The following CFDP1 variants were observed in gnomAD, a reference collection of about 807,000 sequenced individuals.
CFDP1 encodes chromatin remodeling protein CFDP1, also known as heterochromatin-stabilizing protein CFDP1.
CFDP1 carries 31 observed loss-of-function variants against 40.1 expected under a neutral mutation model. That is an observed-to-expected ratio of 0.77 (90% CI 0.58 to 1.04). The LOEUF is 1.04. CFDP1 is among the 50% of genes least tolerant of loss of function. The pLI, the probability that CFDP1 is intolerant of heterozygous loss-of-function variation, is 0.00. For missense variants in CFDP1, 423 were observed against 343.4 expected (o/e 1.23, Z -1.83); for synonymous variants, 167 against 120.0 (o/e 1.39, Z -2.56).
intron 1 of CFDP1, among the ~76,000 whole-genome samples, chr16:75,424,296 A>G (rs2079309881): frequency 6.6e-6 from 1 of 152,206 alleles, no homozygotes; most frequent in Non-Finnish European, 1.5e-5. Flanking sequence ...AGTAAAATGC[A>G]GAACACAATT....
intron 4 of CFDP1, among the ~76,000 whole-genome samples, chr16:75,397,907 G>A (rs1182211388): frequency 6.6e-6 from 1 of 152,256 alleles, no homozygotes; most frequent in Non-Finnish European, 1.5e-5. Flanking sequence ...AAAGGCCAAT[G>A]AAGTATTAGC....
intron 6 of CFDP1, among the ~76,000 whole-genome samples, chr16:75,301,536 C>CTTTTTTTTTTTTTTTTTTTTTTTTTTTT (rs546724752): frequency 3.7e-5 from 2 of 53,966 alleles, no homozygotes; most frequent in Admixed American, 3.2e-4. Context: ...TTTGTTGTGT[C>CTTTTTTTTTTTTTTTTTTTTTTTTTTTT]TTTTTTTTTT....
intron 5 of CFDP1, among the ~76,000 whole-genome samples, chr16:75,383,194 G>A (rs1465243234): frequency 6.6e-6 from 1 of 152,188 alleles, no homozygotes; most frequent in African/African-American, 2.4e-5. Flanking sequence ...TCAAGTAACT[G>A]AGTATAGTTA....
chr16:75,368,380 G>A (rs1003743537), intron 5 of CFDP1, among the ~76,000 whole-genome samples: 4 of 152,154 alleles, frequency 2.6e-5, no homozygotes, highest in African/African-American at 9.7e-5. Flanking sequence ...TTTGGTGGTG[G>A]AGTGGATGGA....
At position 75,416,498 on chromosome 16, in the gene CFDP1, C is replaced by T. The variant is rs564778922; in HGVS notation, c.65-1803G>A. On this transcript the variant is annotated intron_variant, in intron 1 of 6. Transcript: ENST00000283882. ...AAAAAAAAGGTAAACCAGTGGCTCA[C>T]GCCTATAATCTCAGCCCTTTGGGAG... Among the ~76,000 whole-genome samples the T allele has an allele frequency of 2.7e-5, 4 of 150,472 alleles. No individual in the cohort carries two copies. The East Asian group carries it at 5.8e-4, about 22-fold the overall frequency.
rs752626599 is a variant in CFDP1 at position 75,294,049 on chromosome 16, G to A, written c.810-7C>T. The A allele has an allele frequency of 6.9e-6, 11 of 1,605,782 alleles. No homozygotes were observed. Among genetic ancestry groups the A allele is most frequent in the Non-Finnish European group, 9.4e-6 (11 of 1,172,568 alleles). ...GGCTTTCCGTTCAATGTACCTAGAAGATGAAAACAGTGTTTGTCAGTAGAA... is the reference window on the plus strand; with the variant it reads ...GGCTTTCCGTTCAATGTACCTAGAAAATGAAAACAGTGTTTGTCAGTAGAA... On this transcript the variant is annotated splice_polypyrimidine_tract_variant and splice_region_variant and intron_variant, in intron 6 of 6. Transcript: ENST00000283882.
At chr16:75,294,200 C>A (rs1399823203) in intron 6 of CFDP1, among the ~76,000 whole-genome samples, 158 bp from the exon 7 acceptor site, 1 of 152,166 alleles carries the variant, frequency 6.6e-6, no homozygotes, top group Non-Finnish European at 1.5e-5. Context: ...CACATTTGGT[C>A]TAAACAAGGA....
intron 4 of CFDP1, among the ~76,000 whole-genome samples, chr16:75,397,213 G>C (rs954664143): frequency 1.3e-5 from 2 of 149,630 alleles, no homozygotes; most frequent in African/African-American, 4.9e-5. Context: ...TGCGCCCAGC[G>C]TTTTTTTGTT....
intron 1 of CFDP1, among the ~76,000 whole-genome samples, chr16:75,424,526 CGGGCGGA>C (rs2079312944): frequency 1.3e-5 from 2 of 152,076 alleles, no homozygotes; most frequent in East Asian, 3.9e-4. Flanking sequence ...GAGGCTGAGG[CGGGCGGA>C]TCACGAGGTC....
intron 5 of CFDP1, among the ~76,000 whole-genome samples, chr16:75,320,956 T>C (rs748875665): frequency 6.6e-5 from 10 of 152,178 alleles, no homozygotes; most frequent in Non-Finnish European, 1.2e-4. Context: ...TCTGATGACT[T>C]ACTATTTCTT....
At chr16:75,394,287 C>T (rs1172526516) in intron 5 of CFDP1, among the ~76,000 whole-genome samples, 1 of 152,184 alleles carries the variant, frequency 6.6e-6, no homozygotes, top group African/African-American at 2.4e-5. Flanking sequence ...TAATACTTTA[C>T]TTCTCACATT....
chr16:75,354,208 T>G (rs560693480), intron 5 of CFDP1, among the ~76,000 whole-genome samples: 3 of 152,226 alleles, frequency 2.0e-5, no homozygotes, highest in Non-Finnish European at 4.4e-5. Flanking sequence ...CTTTGATGTT[T>G]GGTAGGTTGG....
At chr16:75,309,398 C>T (rs901794328) in intron 5 of CFDP1, among the ~76,000 whole-genome samples, 2 of 151,884 alleles carry the variant, frequency 1.3e-5, no homozygotes, top group African/African-American at 4.8e-5. Context: ...CTACTTCAGC[C>T]ACGCACCTCC....
chr16:75,335,417 C>T (rs1217426532), intron 5 of CFDP1, among the ~76,000 whole-genome samples: 1 of 152,096 alleles, frequency 6.6e-6, no homozygotes, highest in African/African-American at 2.4e-5. Flanking sequence ...ATTTTTTCTC[C>T]AAGGCAACCA....
intron 5 of CFDP1, among the ~76,000 whole-genome samples, chr16:75,367,376 G>A (rs1342297973): frequency 6.7e-6 from 1 of 149,272 alleles, no homozygotes; most frequent in Admixed American, 6.7e-5. Context: ...AACCACTATG[G>A]CACACATGTA....
At chr16:75,408,298 G>A (rs1166536522) in intron 4 of CFDP1, among the ~76,000 whole-genome samples, 1 of 151,976 alleles carries the variant, frequency 6.6e-6, no homozygotes, top group Non-Finnish European at 1.5e-5. Flanking sequence ...TTACACCCTG[G>A]CAGATCCCAT....
intron 5 of CFDP1, among the ~76,000 whole-genome samples, chr16:75,324,168 T>A (rs1200320306): frequency 6.6e-6 from 1 of 152,052 alleles, no homozygotes; most frequent in Non-Finnish European, 1.5e-5. Flanking sequence ...GAGAAAACCA[T>A]TACACAGGAA....
At chr16:75,348,781 G>A (rs910786037) in intron 5 of CFDP1, among the ~76,000 whole-genome samples, 2 of 152,018 alleles carry the variant, frequency 1.3e-5, no homozygotes, top group African/African-American at 4.8e-5. Context: ...ACAGTATTTT[G>A]TAGATTTCAG....
intron 5 of CFDP1, among the ~76,000 whole-genome samples, chr16:75,341,049 C>T (rs2078523196): frequency 6.6e-6 from 1 of 152,164 alleles, no homozygotes. Flanking sequence ...GCTGGAGTTA[C>T]ATTTGGCCCA....
Sources: gnomAD v4.1 joint callset for allele counts (sites outside exome capture counted in the v4.1 genomes callset) on GRCh38, gnomAD v4.1.1 for gene constraint, MANE v1.5 for transcripts, NCBI Gene and HGNC (gene_info 2026-07-23, HGNC 2026-07-21) for gene names.